The following ST6GALNAC3 variants were observed in gnomAD, a reference collection of about 807,000 sequenced individuals.
The protein encoded by ST6GALNAC3 is ST6 N-acetylgalactosaminide alpha-2,6-sialyltransferase 3.
A neutral mutation model predicts 32.7 loss-of-function variants in ST6GALNAC3; 25 were observed. That is an observed-to-expected ratio of 0.76 (90% CI 0.56 to 1.07). ST6GALNAC3 has a LOEUF of 1.07. Ranked by LOEUF, ST6GALNAC3 falls within the 50% of genes least tolerant of loss-of-function variation. The probability of loss-of-function intolerance (pLI) is 0.00; values close to 1 mark genes in which losing one functional copy is unlikely to be tolerated. For missense variants in ST6GALNAC3, 355 were observed against 382.4 expected (o/e 0.93, Z 0.60); for synonymous variants, 129 against 133.1 (o/e 0.97, Z 0.21).
chr1:76,372,367 C>CA (rs1182663816), intron 2 of ST6GALNAC3, among the ~76,000 whole-genome samples: 1 of 151,980 alleles, frequency 6.6e-6, no homozygotes, highest in South Asian at 2.1e-4. Flanking sequence ...GACATGCACA[C>CA]ACACGCGCAC....
intron 3 of ST6GALNAC3, among the ~76,000 whole-genome samples, chr1:76,454,331 G>A (rs1657613817): frequency 6.6e-6 from 1 of 152,060 alleles, no homozygotes; most frequent in Middle Eastern, 3.4e-3. Context: ...GTTATTTGTT[G>A]TCTGAAAATT....
intron 2 of ST6GALNAC3, among the ~76,000 whole-genome samples, chr1:76,396,777 G>A (rs777372545): frequency 3.3e-5 from 5 of 152,158 alleles, no homozygotes; most frequent in South Asian, 4.1e-4. Flanking sequence ...AGAAAGTTCC[G>A]TAAGTCTGAA....
At chr1:76,259,847 C>A (rs1196529721) in intron 1 of ST6GALNAC3, among the ~76,000 whole-genome samples, 4 of 151,986 alleles carry the variant, frequency 2.6e-5, no homozygotes, top group African/African-American at 9.7e-5. Flanking sequence ...AATTTAGAAA[C>A]CCCTTTCCAA....
intron 2 of ST6GALNAC3, among the ~76,000 whole-genome samples, chr1:76,349,377 C>T (rs1218784616): frequency 6.6e-6 from 1 of 152,156 alleles, no homozygotes; most frequent in Non-Finnish European, 1.5e-5. Context: ...GCACTGCTTT[C>T]CAGACCTGTG....
At chr1:76,290,614 A>G (rs1167489703) in intron 1 of ST6GALNAC3, among the ~76,000 whole-genome samples, 1 of 152,200 alleles carries the variant, frequency 6.6e-6, no homozygotes, top group Non-Finnish European at 1.5e-5. Flanking sequence ...TGACACAGGC[A>G]GTGAATAGCA....
Position 76,338,224 on chromosome 1 carries a change from G to C in ST6GALNAC3, c.213+24225G>C, listed in dbSNP as rs184553043. ...TCTGCCAGGAGAGGAGGTTTTTGCT[G>C]ATAAATATAATTCTGCTGTTGATTT... On this transcript the variant is annotated intron_variant, in intron 2 of 4. Transcript: ENST00000328299. 6.6e-5 allele frequency among the ~76,000 whole-genome samples: 10 copies of C among 152,268 alleles called. No individual in the cohort carries two copies. The East Asian group carries it at 1.9e-3, about 29-fold the overall frequency.
At chr1:76,179,442 G>A (rs1369113804) in intron 1 of ST6GALNAC3, among the ~76,000 whole-genome samples, 4 of 152,114 alleles carry the variant, frequency 2.6e-5, no homozygotes, top group Non-Finnish European at 5.9e-5. Flanking sequence ...GTCAACATCT[G>A]GGTCTGTGTC....
chr1:76,576,272 G>T (rs746054734), intron 3 of ST6GALNAC3, among the ~76,000 whole-genome samples: 4 of 152,060 alleles, frequency 2.6e-5, no homozygotes, highest in Non-Finnish European at 5.9e-5. Context: ...GTTCTTAACA[G>T]AGACACAGAG....
At chr1:76,579,479 T>C (rs1646860722) in intron 3 of ST6GALNAC3, among the ~76,000 whole-genome samples, 1 of 152,102 alleles carries the variant, frequency 6.6e-6, no homozygotes, top group Non-Finnish European at 1.5e-5. Context: ...CTTAATGTCA[T>C]CAGATCTCCA....
chr1:76,253,886 G>A (rs536811), intron 1 of ST6GALNAC3, among the ~76,000 whole-genome samples: 26,394 of 152,012 alleles, frequency 0.17, 2,628 homozygotes, highest in Non-Finnish European at 0.23. Flanking sequence ...GAGATTTTGC[G>A]GAAGAATGGT....
At chr1:76,119,595 G>T (rs1477061392) in intron 1 of ST6GALNAC3, among the ~76,000 whole-genome samples, 1 of 152,194 alleles carries the variant, frequency 6.6e-6, no homozygotes, top group Non-Finnish European at 1.5e-5. Flanking sequence ...TTTTAAGTCT[G>T]TCAGGGGAGG....
chr1:76,394,590 T>G (rs1652802287), intron 2 of ST6GALNAC3, among the ~76,000 whole-genome samples: 1 of 152,194 alleles, frequency 6.6e-6, no homozygotes, highest in African/African-American at 2.4e-5. Context: ...TTTTGAGGTG[T>G]TATCTATACT....
chr1:76,358,823 G>A (rs567158512), intron 2 of ST6GALNAC3, among the ~76,000 whole-genome samples: 1 of 152,134 alleles, frequency 6.6e-6, no homozygotes, highest in East Asian at 1.9e-4. Flanking sequence ...TCTTCCTTTG[G>A]TTCATCCTTC....
At chr1:76,476,066 A>G (rs1659336256) in intron 3 of ST6GALNAC3, among the ~76,000 whole-genome samples, 2 of 152,166 alleles carry the variant, frequency 1.3e-5, no homozygotes, top group Non-Finnish European at 1.5e-5. Flanking sequence ...TTCATGGTGT[A>G]TATGTGCCAC....
chr1:76,491,913 C>T (rs1285322898), intron 3 of ST6GALNAC3, among the ~76,000 whole-genome samples: 1 of 152,176 alleles, frequency 6.6e-6, no homozygotes, highest in South Asian at 2.1e-4. Flanking sequence ...TTTTCAAGTC[C>T]TACAGGCTGG....
intron 2 of ST6GALNAC3, among the ~76,000 whole-genome samples, chr1:76,318,249 A>G (rs1347877975): frequency 6.6e-6 from 1 of 152,172 alleles, no homozygotes; most frequent in Admixed American, 6.6e-5. Flanking sequence ...AAAGATCAAA[A>G]TATTCCTCCC....
intron 1 of ST6GALNAC3, among the ~76,000 whole-genome samples, chr1:76,174,663 C>CTTTTTTTTTTTTTTTT (rs59269306): frequency 2.1e-5 from 3 of 140,106 alleles, no homozygotes; most frequent in African/African-American, 5.3e-5. Flanking sequence ...TTTTTCTTTT[C>CTTTTTTTTTTTTTTTT]TTTTTTTTTT....
intron 3 of ST6GALNAC3, among the ~76,000 whole-genome samples, chr1:76,425,441 T>G (rs567930571): frequency 6.6e-6 from 1 of 152,046 alleles, no homozygotes; most frequent in South Asian, 2.1e-4. Context: ...TATTTTGGTT[T>G]GAGATAGGCA....
At position 76,349,019 on chromosome 1, in the gene ST6GALNAC3, G is replaced by T. The variant is rs183686655; in HGVS notation, c.213+35020G>T. Among the ~76,000 whole-genome samples the T allele has an allele frequency of 4.8e-3, 727 of 152,246 alleles. 4 individuals are homozygous for T. The highest frequency in any genetic ancestry group is 0.017 in the African/African-American group (689 of 41,556). On this transcript the variant is annotated intron_variant, in intron 2 of 4. Coordinates refer to ENST00000328299, the MANE Select transcript of ST6GALNAC3 (RefSeq NM_152996.4). The stretch of plus-strand genomic sequence containing the variant: ...GTAAAGAATCTAATAGTGCAGAAGA[G>T]TTGAAATAAAAAGCAGCAATTCCCC...
Sources: gnomAD v4.1 joint callset for allele counts (sites outside exome capture counted in the v4.1 genomes callset) on GRCh38, gnomAD v4.1.1 for gene constraint, MANE v1.5 for transcripts, NCBI Gene and HGNC (gene_info 2026-07-23, HGNC 2026-07-21) for gene names.